MACROD2: variants seen among roughly 807,000 people sequenced by gnomAD.
MACROD2 encodes the protein ADP-ribose glycohydrolase MACROD2.
A neutral mutation model predicts 70.4 loss-of-function variants in MACROD2; 36 were observed. The observed-to-expected ratio is 0.51, with a 90% CI of 0.39 to 0.68. The LOEUF (loss-of-function observed/expected upper bound fraction) is 0.68, where lower values mean the gene tolerates loss of function less well. Ranked by LOEUF, MACROD2 falls within the 30% of genes least tolerant of loss-of-function variation. MACROD2 has a pLI of 0.00. For synonymous variants in MACROD2, 172 were observed against 178.8 expected, an observed-to-expected ratio of 0.96 and a Z score of 0.30; for missense variants, 496 against 538.4, an observed-to-expected ratio of 0.92 and a Z score of 0.78.
At chr20:14,710,125 C>T (rs1034586488) in intron 5 of MACROD2, among the ~76,000 whole-genome samples, 9 of 152,168 alleles carry the variant, frequency 5.9e-5, no homozygotes, top group African/African-American at 1.4e-4. Flanking sequence ...TAATTCACAA[C>T]TTGATGAGGT....
chr20:15,589,197 C>G lies in MACROD2; in HGVS notation c.645+89350C>G, dbSNP rs559451883. On this transcript the variant is annotated intron_variant, in intron 8 of 17. Transcript: ENST00000684519. ...CATCAGATCTCCTGAGACTTATTCA[C>G]TATCACGAGAATAGCATAGGAAAGA... 3.1e-3 allele frequency among the ~76,000 whole-genome samples: 476 copies of G among 152,312 alleles called. 3 individuals are homozygous for G. The highest frequency in any genetic ancestry group is 0.011 in the South Asian group (52 of 4,826).
chr20:14,900,341 G>A (rs1236303175), intron 5 of MACROD2, among the ~76,000 whole-genome samples: 1 of 152,086 alleles, frequency 6.6e-6, no homozygotes, highest in African/African-American at 2.4e-5. Flanking sequence ...GAGCTCGGAA[G>A]TGTTTCTTCG....
intron 7 of MACROD2, among the ~76,000 whole-genome samples, chr20:15,441,359 G>T (rs1306938932): frequency 6.6e-6 from 1 of 152,066 alleles, no homozygotes; most frequent in South Asian, 2.1e-4. Flanking sequence ...AAATATGCTA[G>T]TTCAGTGTAC....
intron 3 of MACROD2, among the ~76,000 whole-genome samples, chr20:14,311,553 C>T (rs1320193296): frequency 3.3e-5 from 5 of 152,006 alleles, no homozygotes; most frequent in East Asian, 1.9e-4. Flanking sequence ...GAGTTCACTC[C>T]GTCACCCAGG....
intron 10 of MACROD2, among the ~76,000 whole-genome samples, chr20:15,930,429 A>T (rs1276366454): frequency 1.3e-5 from 2 of 152,172 alleles, no homozygotes; most frequent in African/African-American, 4.8e-5. Context: ...TACTAATCTA[A>T]TTGCCCAAGA....
intron 5 of MACROD2, among the ~76,000 whole-genome samples, chr20:14,908,299 C>T (rs1233914013): frequency 3.3e-5 from 5 of 151,908 alleles, no homozygotes; most frequent in Admixed American, 3.3e-4. Flanking sequence ...TGAGATCGTG[C>T]CACTGCACTC....
intron 5 of MACROD2, among the ~76,000 whole-genome samples, chr20:15,125,231 A>G (rs555313640): frequency 7.9e-5 from 12 of 152,192 alleles, no homozygotes; most frequent in African/African-American, 2.9e-4. Flanking sequence ...AAAACCTTTC[A>G]TTTTCCTTTG....
intron 5 of MACROD2, among the ~76,000 whole-genome samples, chr20:15,137,371 A>C (rs1332603383): frequency 2.0e-5 from 3 of 151,964 alleles, no homozygotes; most frequent in Non-Finnish European, 4.4e-5. Flanking sequence ...ATGGAATACT[A>C]TGCAGCCATA....
intron 8 of MACROD2, among the ~76,000 whole-genome samples, chr20:15,831,630 T>G (rs6135565): frequency 6.6e-6 from 1 of 152,048 alleles, no homozygotes; most frequent in African/African-American, 2.4e-5. Flanking sequence ...TTGCCTGTTC[T>G]GTCTCTGACA....
chr20:14,103,822 C>G (rs958757713), intron 3 of MACROD2, among the ~76,000 whole-genome samples: 1 of 148,306 alleles, frequency 6.7e-6, no homozygotes, highest in Non-Finnish European at 1.5e-5. Flanking sequence ...TTTAATCATC[C>G]CCTCATTGTT....
chr20:14,240,772 A>T (rs2081922017), intron 3 of MACROD2, among the ~76,000 whole-genome samples: 1 of 152,222 alleles, frequency 6.6e-6, no homozygotes, highest in Non-Finnish European at 1.5e-5. Flanking sequence ...AATAATCAGT[A>T]CACTAAATGC....
At chr20:14,454,542 T>C (rs1282374885) in intron 3 of MACROD2, among the ~76,000 whole-genome samples, 3 of 151,912 alleles carry the variant, frequency 2.0e-5, no homozygotes, top group African/African-American at 7.3e-5. Context: ...AGTCTGGTGG[T>C]AGGTTGTAAC....
At chr20:15,999,993 C>T (rs182461139) in intron 15 of MACROD2, among the ~76,000 whole-genome samples, 11 of 152,314 alleles carry the variant, frequency 7.2e-5, no homozygotes, top group South Asian at 2.1e-4. Context: ...TTGTTTTCCA[C>T]GTCATTTTAC....
chr20:15,898,826 T>G (rs1177629121), intron 10 of MACROD2, among the ~76,000 whole-genome samples: 1 of 151,936 alleles, frequency 6.6e-6, no homozygotes, highest in Non-Finnish European at 1.5e-5. Context: ...AGCTCAGCCA[T>G]GTATTCAAGA....
intron 5 of MACROD2, among the ~76,000 whole-genome samples, chr20:15,088,990 C>G (rs2075773529): frequency 6.6e-6 from 1 of 152,006 alleles, no homozygotes; most frequent in Non-Finnish European, 1.5e-5. Flanking sequence ...TGTTTTCACC[C>G]AAGCTTTAAA....
intron 3 of MACROD2, among the ~76,000 whole-genome samples, chr20:14,275,940 A>T (rs1225534175): frequency 6.6e-6 from 1 of 152,358 alleles, no homozygotes; most frequent in South Asian, 2.1e-4. Flanking sequence ...ACCATCTCAC[A>T]TCAGTTAGAA....
chr20:15,281,910 G>C (rs186932097), intron 6 of MACROD2, among the ~76,000 whole-genome samples: 2 of 152,320 alleles, frequency 1.3e-5, no homozygotes, highest in Admixed American at 1.3e-4. Flanking sequence ...GCAGATTTCT[G>C]CCTGGACATC....
rs6043660 is a variant in MACROD2 at position 15,986,888 on chromosome 20, G to A, written c.1060+87G>A. The A allele has an allele frequency of 0.2, 211,880 of 1,068,438 alleles. 23,753 individuals are homozygous for A. Among genetic ancestry groups the A allele is most frequent in the African/African-American group, 0.41 (26,024 of 64,120 alleles). 66.2% of individuals were successfully genotyped at this position (1,068,438 alleles called of 1,614,324 possible). On this transcript the variant is annotated intron_variant, in intron 14 of 17. Coordinates refer to ENST00000684519, the MANE Select transcript of MACROD2 (RefSeq NM_001351661.2). ...ATATATACCTGTGTGTGTGCGTGGTGTGTGTGTGTGTTTTAGGCAATGATT... is the reference window on the plus strand; with the variant it reads ...ATATATACCTGTGTGTGTGCGTGGTATGTGTGTGTGTTTTAGGCAATGATT...
intron 6 of MACROD2, among the ~76,000 whole-genome samples, chr20:15,334,634 G>C (rs1036493200): frequency 2.6e-5 from 4 of 151,444 alleles, no homozygotes; most frequent in Admixed American, 6.6e-5. Flanking sequence ...GCTATTGAGA[G>C]TTAATGATAA....
Sources: gnomAD v4.1 joint callset for allele counts (sites outside exome capture counted in the v4.1 genomes callset) on GRCh38, gnomAD v4.1.1 for gene constraint, MANE v1.5 for transcripts, NCBI Gene and HGNC (gene_info 2026-07-23, HGNC 2026-07-21) for gene names.